ROBO2: variants seen among roughly 807,000 people sequenced by gnomAD.
ROBO2 encodes roundabout homolog 2.
Under a neutral mutation model 160.8 loss-of-function variants are expected in ROBO2, and 53 were observed. The ratio of observed to expected loss-of-function variants is 0.33; its 90% CI spans 0.26 to 0.41. ROBO2 has a LOEUF of 0.41. Among genes scored for constraint, ROBO2 ranks in the 10% least tolerant of loss-of-function variants. The probability of loss-of-function intolerance (pLI) is 1.00; values close to 1 mark genes in which losing one functional copy is unlikely to be tolerated. For missense variants in ROBO2, 1,577 were observed against 1,722.4 expected (o/e 0.92, Z 1.49); for synonymous variants, 664 against 611.7 (o/e 1.09, Z -1.26).
chr3:76,116,447 C>T (rs866136900), intron 2 of ROBO2, among the ~76,000 whole-genome samples: 1 of 152,058 alleles, frequency 6.6e-6, no homozygotes, highest in Admixed American at 6.6e-5. Context: ...TGAATATTAG[C>T]GAAGCACTTC....
chr3:76,049,454 G>C (rs2067581315), intron 2 of ROBO2, among the ~76,000 whole-genome samples: 1 of 122,192 alleles, frequency 8.2e-6, no homozygotes, highest in South Asian at 2.8e-4. Flanking sequence ...ATATTACCTA[G>C]GCTGACCTCA....
chr3:77,129,996 A>G (rs1423350379), intron 2 of ROBO2, among the ~76,000 whole-genome samples: 1 of 152,158 alleles, frequency 6.6e-6, no homozygotes, highest in Admixed American at 6.5e-5. Context: ...AGAGAAGACA[A>G]CGCTTCAAAA....
intron 2 of ROBO2, among the ~76,000 whole-genome samples, chr3:77,142,474 T>C (rs558711839): frequency 6.6e-6 from 1 of 152,316 alleles, no homozygotes; most frequent in Non-Finnish European, 1.5e-5. Flanking sequence ...AGTGCTAATA[T>C]ATAATAACCT....
At chr3:76,799,209 G>A (rs1045234104) in intron 2 of ROBO2, among the ~76,000 whole-genome samples, 6 of 148,114 alleles carry the variant, frequency 4.1e-5, no homozygotes, top group South Asian at 4.4e-4. Context: ...GTGAGACTCC[G>A]TCTCAAAAAA....
chr3:76,236,457 A>G (rs199956077), intron 2 of ROBO2, among the ~76,000 whole-genome samples: 2 of 152,304 alleles, frequency 1.3e-5, no homozygotes, highest in African/African-American at 2.4e-5. Context: ...TATAAAGACC[A>G]TATTTTAGCA....
At chr3:76,862,929 A>G (rs2148626706) in intron 2 of ROBO2, among the ~76,000 whole-genome samples, 1 of 152,194 alleles carries the variant, frequency 6.6e-6, no homozygotes, top group Non-Finnish European at 1.5e-5. Flanking sequence ...GCCTTGATTT[A>G]ATGTATCACC....
intron 2 of ROBO2, among the ~76,000 whole-genome samples, chr3:76,676,498 CAA>C (rs1261183291): frequency 6.6e-6 from 1 of 152,050 alleles, no homozygotes; most frequent in Non-Finnish European, 1.5e-5. Flanking sequence ...AAGGTATAAA[CAA>C]AGTGTATCTC....
intron 2 of ROBO2, among the ~76,000 whole-genome samples, chr3:76,924,638 A>G (rs2076866832): frequency 6.6e-6 from 1 of 152,210 alleles, no homozygotes. Context: ...TTCAATTTTT[A>G]TAGGCTCTCC....
At chr3:76,857,593 C>G (rs2070267640) in intron 2 of ROBO2, among the ~76,000 whole-genome samples, 4 of 152,140 alleles carry the variant, frequency 2.6e-5, no homozygotes, top group African/African-American at 4.8e-5. Flanking sequence ...GGTTTCAGCA[C>G]TGACAATGAA....
intron 2 of ROBO2, among the ~76,000 whole-genome samples, chr3:76,070,470 C>T (rs2068413562): frequency 6.6e-6 from 1 of 152,138 alleles, no homozygotes; most frequent in Admixed American, 6.5e-5. Flanking sequence ...GATCTCAAAA[C>T]CTGTCTTCTG....
At chr3:76,176,357 G>T (rs541028147) in intron 2 of ROBO2, among the ~76,000 whole-genome samples, 115 of 152,030 alleles carry the variant, frequency 7.6e-4, no homozygotes, top group African/African-American at 2.7e-3. Context: ...TTGAATAGCT[G>T]CTGTGCTCCA....
At chr3:76,583,968 G>T (rs1240520916) in intron 2 of ROBO2, among the ~76,000 whole-genome samples, 1 of 152,030 alleles carries the variant, frequency 6.6e-6, no homozygotes, top group Non-Finnish European at 1.5e-5. Context: ...TCTTCTTCAT[G>T]TAAAAACCAC....
At chr3:75,982,425 C>G (rs776903799) in intron 2 of ROBO2, among the ~76,000 whole-genome samples, 1 of 151,450 alleles carries the variant, frequency 6.6e-6, no homozygotes, top group Non-Finnish European at 1.5e-5. Context: ...CCACATCCTT[C>G]TCAGCATTTG....
rs545268010 is a variant in ROBO2 at position 76,979,616 on chromosome 3, G to A, written c.110-118398G>A. Among the ~76,000 whole-genome samples, 31 of 151,432 alleles carry A rather than the reference G, an allele frequency of 2.0e-4. 1 individual carries two copies. The highest frequency in any genetic ancestry group is 3.5e-4 in the Non-Finnish European group (24 of 67,784). ...GTGGTGTGTGTGTGTGTGTGTGTGC[G>A]CAGGTATATGTTTGATATGATTTTT... On this transcript the variant is annotated intron_variant, in intron 2 of 26. Coordinates refer to the ROBO2 transcript ENST00000487694.
intron 2 of ROBO2, among the ~76,000 whole-genome samples, chr3:76,786,661 CAG>C (rs1189973324): frequency 6.6e-6 from 1 of 151,318 alleles, no homozygotes; most frequent in African/African-American, 2.4e-5. Context: ...GGTTGGGACA[CAG>C]AGCCAAACCA....
chr3:77,389,012 T>G (rs975334703), intron 2 of ROBO2, among the ~76,000 whole-genome samples: 7 of 152,236 alleles, frequency 4.6e-5, no homozygotes, highest in African/African-American at 1.7e-4. Flanking sequence ...TAGCACAATC[T>G]TGGCTCACCT....
chr3:76,179,550 A>C (rs1190436211), intron 2 of ROBO2, among the ~76,000 whole-genome samples: 2 of 152,078 alleles, frequency 1.3e-5, no homozygotes, highest in Non-Finnish European at 2.9e-5. Context: ...TTCAATCATC[A>C]CTGCCTCCGC....
chr3:76,295,885 G>T (rs1331585275), intron 2 of ROBO2, among the ~76,000 whole-genome samples: 2 of 152,062 alleles, frequency 1.3e-5, no homozygotes, highest in Non-Finnish European at 2.9e-5. Flanking sequence ...TTCATCACCG[G>T]ATTGAGATAG....
At chr3:76,276,168 C>A (rs569677067) in intron 2 of ROBO2, among the ~76,000 whole-genome samples, 18 of 152,054 alleles carry the variant, frequency 1.2e-4, no homozygotes, top group African/African-American at 3.6e-4. Context: ...ATATTTTAAT[C>A]ACTCATAATT....
Sources: allele counts gnomAD v4.1 joint callset (sites outside exome capture counted in the v4.1 genomes callset), GRCh38; gene constraint gnomAD v4.1.1; transcripts MANE v1.5; gene names NCBI Gene and HGNC (gene_info 2026-07-23, HGNC 2026-07-21).